KLF15: variants seen among roughly 807,000 people sequenced by gnomAD.
KLF15 encodes Krueppel-like factor 15.
In KLF15, 4 loss-of-function variants were observed where a neutral mutation model predicts 24.6. That is an observed-to-expected ratio of 0.16 (90% confidence interval 0.08 to 0.37). The LOEUF (loss-of-function observed/expected upper bound fraction) is 0.37. KLF15 is among the 10% of genes least tolerant of loss of function. The probability of loss-of-function intolerance (pLI) is 1.00; values close to 1 mark genes in which losing one functional copy is unlikely to be tolerated. For synonymous variants in KLF15, 246 were observed against 236.3 expected, an observed-to-expected ratio of 1.04 and a Z score of -0.37; for missense variants, 496 against 560.6, an observed-to-expected ratio of 0.88 and a Z score of 1.16.
chr3:126,291,023 A>C, the KLF15 span: 21 of 152,254 alleles, frequency 1.4e-4, no homozygotes, highest in African/African-American at 4.6e-4. Context: ...AACCCTCAGC[A>C]GCCGCTGAAG....
At chr3:126,313,484 C>T in the KLF15 span, among the ~76,000 whole-genome samples, 1 of 152,322 alleles carries the variant, frequency 6.6e-6, no homozygotes, top group African/African-American at 2.4e-5. Flanking sequence ...TTTGGAGACA[C>T]TGGTGATTTG....
chr3:126,294,359 T>C, the KLF15 span, among the ~76,000 whole-genome samples: 15 of 152,188 alleles, frequency 9.9e-5, no homozygotes, highest in African/African-American at 3.4e-4. Flanking sequence ...TGTGCTTAGA[T>C]CTCTGTCTGC....
downstream of KLF15, among the ~76,000 whole-genome samples, chr3:126,340,640 G>GT (rs1254446090): frequency 8.5e-5 from 13 of 152,350 alleles, no homozygotes; most frequent in Middle Eastern, 6.8e-3. Flanking sequence ...AGGCGGGTGG[G>GT]TGGCACCATT....
At chr3:126,313,098 C>G in the KLF15 span, among the ~76,000 whole-genome samples, 1 of 152,102 alleles carries the variant, frequency 6.6e-6, no homozygotes, top group African/African-American at 2.4e-5. Flanking sequence ...GAAAATGAGG[C>G]CTTTAAAAGT....
the KLF15 span, among the ~76,000 whole-genome samples, chr3:126,301,755 C>T: frequency 6.6e-6 from 1 of 151,732 alleles, no homozygotes; most frequent in Admixed American, 6.6e-5. Flanking sequence ...GCTGGGATTA[C>T]AGGCGCCCGC....
the KLF15 span, among the ~76,000 whole-genome samples, chr3:126,310,386 A>G: frequency 6.6e-6 from 1 of 152,180 alleles, no homozygotes; most frequent in African/African-American, 2.4e-5. Flanking sequence ...CTGCTACCGA[A>G]TGAATGTGAC....
the KLF15 span, among the ~76,000 whole-genome samples, chr3:126,288,696 C>G: frequency 6.6e-6 from 1 of 152,250 alleles, no homozygotes; most frequent in South Asian, 2.1e-4. Context: ...GGCTCATTGT[C>G]CTGGACACAC....
the KLF15 span, among the ~76,000 whole-genome samples, chr3:126,320,311 C>T: frequency 1.6e-4 from 24 of 152,268 alleles, no homozygotes; most frequent in African/African-American, 4.6e-4. Flanking sequence ...CTTTAAATGC[C>T]GGCTCTGACT....
At chr3:126,334,161 C>T in the KLF15 span, among the ~76,000 whole-genome samples, 8 of 152,104 alleles carry the variant, frequency 5.3e-5, no homozygotes, top group Admixed American at 2.6e-4. Context: ...AAATTGACCA[C>T]ATAGTTGGAA....
chr3:126,303,852 C>A, the KLF15 span, among the ~76,000 whole-genome samples: 4 of 151,636 alleles, frequency 2.6e-5, no homozygotes, highest in African/African-American at 7.3e-5. Context: ...TATATTATTT[C>A]TTTTGCTGTA....
chr3:126,300,827 A>T, the KLF15 span, among the ~76,000 whole-genome samples: 1 of 152,194 alleles, frequency 6.6e-6, no homozygotes, highest in Non-Finnish European at 1.5e-5. Context: ...AGCAGATACA[A>T]GTGCACCTGG....
chr3:126,316,263 T>C, the KLF15 span, among the ~76,000 whole-genome samples: 1 of 121,306 alleles, frequency 8.2e-6, no homozygotes, highest in Non-Finnish European at 1.7e-5. Flanking sequence ...CGGGTGGGAG[T>C]GGGGCTGGGA....
At chr3:126,338,413 G>C (rs377303741), downstream of KLF15, among the ~76,000 whole-genome samples, 1 of 152,196 alleles carries the variant, frequency 6.6e-6, no homozygotes, top group Admixed American at 6.5e-5. Context: ...TCAAGGTGAC[G>C]TTCGTGCATT....
chr3:126,344,016 A>G lies in KLF15; in HGVS notation c.1083-121T>C, dbSNP rs1041669065. Reference sequence around the variant, plus strand: ...ACTCACCCAAAGGGTGGCTGCGCAGACCTGCAGCCTCTACAGGATTAGGGG... The same window carrying G: ...ACTCACCCAAAGGGTGGCTGCGCAGGCCTGCAGCCTCTACAGGATTAGGGG... On this transcript the variant is annotated intron_variant, in intron 2 of 2. Coordinates refer to ENST00000296233, the MANE Select transcript of KLF15 (RefSeq NM_014079.4). 160 of 980,972 alleles carry G rather than the reference A, an allele frequency of 1.6e-4. 1 individual carries two copies. The highest frequency in any genetic ancestry group is 2.0e-4 in the Non-Finnish European group (140 of 690,452). 60.8% of individuals were successfully genotyped at this position (980,972 alleles called of 1,614,324 possible).
At chr3:126,318,888 C>T in the KLF15 span, among the ~76,000 whole-genome samples, 13 of 152,110 alleles carry the variant, frequency 8.5e-5, no homozygotes, top group East Asian at 1.9e-4. Flanking sequence ...TTTTGACAAA[C>T]GTATCCACCA....
the KLF15 span, among the ~76,000 whole-genome samples, chr3:126,296,145 G>A: frequency 1.3e-5 from 2 of 152,138 alleles, no homozygotes; most frequent in East Asian, 1.9e-4. Flanking sequence ...CACTAATGCT[G>A]GGTGTTACTC....
the KLF15 span, among the ~76,000 whole-genome samples, chr3:126,308,686 G>A: frequency 1.3e-5 from 2 of 152,198 alleles, no homozygotes; most frequent in Admixed American, 1.3e-4. Flanking sequence ...CCGGGGAGTG[G>A]AGTGAGACTC....
chr3:126,352,044 C>G lies in KLF15; in HGVS notation c.879G>C (p.Ser293=), dbSNP rs755483128. The part of the protein sequence containing the change: ...PVPIAAKPVG[S]GPLGPGPAGL... The stretch of plus-strand genomic sequence containing the variant: ...CGGCAGGGCCAGGCCCCAGGGGTCC[C>G]GATCCAACAGGCTTGGCGGCAATGG... The change falls in exon 2 of 3, where the codon TCG becomes TCC. Residue 293 remains serine (S), a synonymous_variant. Coordinates refer to ENST00000296233, the MANE Select transcript of KLF15 (RefSeq NM_014079.4). 1 of 1,529,390 alleles carries G rather than the reference C, an allele frequency of 6.5e-7. No homozygotes were observed. Among genetic ancestry groups the G allele is most frequent in the South Asian group, 1.3e-5 (1 of 79,032 alleles). 94.7% of individuals were successfully genotyped at this position (1,529,390 alleles called of 1,614,324 possible). A position where few individuals can be genotyped will look rare whatever the true frequency, so the allele number is the denominator to read the frequency against.
chr3:126,292,084 C>G, the KLF15 span, among the ~76,000 whole-genome samples: 1 of 152,174 alleles, frequency 6.6e-6, no homozygotes, highest in Non-Finnish European at 1.5e-5. Flanking sequence ...GGCAAGCCCC[C>G]TCCTTTGCAC....
Sources: allele counts gnomAD v4.1 joint callset (sites outside exome capture counted in the v4.1 genomes callset), GRCh38; gene constraint gnomAD v4.1.1; transcripts MANE v1.5; gene names NCBI Gene and HGNC (gene_info 2026-07-23, HGNC 2026-07-21).